MTTP: variants seen among roughly 807,000 people sequenced by gnomAD.
MTTP encodes the protein microsomal triglyceride transfer protein.
A neutral mutation model predicts 90.6 loss-of-function variants in MTTP; 49 were observed. The ratio of observed to expected loss-of-function variants is 0.54; its 90% confidence interval spans 0.43 to 0.69. The LOEUF (loss-of-function observed/expected upper bound fraction) is 0.69, where lower values mean the gene tolerates loss of function less well. MTTP is among the 30% of genes least tolerant of loss of function. The probability of loss-of-function intolerance (pLI) is 0.00; values close to 1 mark genes in which losing one functional copy is unlikely to be tolerated. For missense variants in MTTP, 945 were observed against 1,067.5 expected, an observed-to-expected ratio of 0.89 and a Z score of 1.60; for synonymous variants, 347 against 384.2, an observed-to-expected ratio of 0.90 and a Z score of 1.13.
chr4:99,583,409 G>C lies in MTTP; in HGVS notation c.285G>C (p.Gln95His), dbSNP rs61733139. Residue 95 changes from glutamine to histidine, a missense_variant, in exon 3 of 18, where the codon CAG becomes CAC. By Grantham distance (24) the Gln-to-His change is conservative (BLOSUM62 0). Coordinates refer to ENST00000265517, the MANE Select transcript of MTTP (RefSeq NM_001386140.1). Reference sequence around the variant, plus strand: ...TAAATGTTGAAAATGTGAATCAGCAGAGAGGAGAGAAGAGCATCTTCAAAG... The same window carrying C: ...TAAATGTTGAAAATGTGAATCAGCACAGAGGAGAGAAGAGCATCTTCAAAG... Reference protein sequence around the residue: ...KDVNVENVNQQRGEKSIFKGK... With the variant: ...KDVNVENVNQHRGEKSIFKGK... 85,612 of 1,613,172 alleles carry C rather than the reference G, an allele frequency of 0.053. 2,562 individuals carry two copies. The highest frequency in any genetic ancestry group is 0.06 in the Non-Finnish European group (70,683 of 1,179,596).
chr4:99,614,371 G>T (rs1726046557), intron 15 of MTTP, among the ~76,000 whole-genome samples: 1 of 152,166 alleles, frequency 6.6e-6, no homozygotes, highest in African/African-American at 2.4e-5. Flanking sequence ...GATATCTTAG[G>T]TATTAGACTG....
rs149348408 is a variant in MTTP, at chr4:99,606,385, C to T, written c.1345-363C>T. ...ACTTAAGGAAAGGTGTATGGTGACA[C>T]TAAGACTCCATCTAATTGTTGCTTT... On this transcript the variant is annotated intron_variant, in intron 10 of 17. Transcript: ENST00000265517. Among the ~76,000 whole-genome samples the T allele has an allele frequency of 6.3e-3, 951 of 152,156 alleles. 10 individuals carry two copies. The highest frequency in any genetic ancestry group is 0.02 in the African/African-American group (832 of 41,510).
chr4:99,601,326 T>C (rs1286425775), intron 9 of MTTP, among the ~76,000 whole-genome samples: 1 of 143,228 alleles, frequency 7.0e-6, no homozygotes, highest in Non-Finnish European at 1.6e-5. Flanking sequence ...CCCTCCTTTT[T>C]TTTTTTTTTT....
Position 99,611,404 on chromosome 4 carries a change from AC to A in MTTP, c.1942del (p.Leu648Ter). ...YSGSGILRRS[N>X]LNIFQYIGKA... is the part of the protein sequence containing the mutation. Reference sequence around the variant, plus strand: ...GGTTCTGGCATTCTAAGGAGAAGTAACCTGAACATCTTTCAGTACATTGGGA... The same window carrying A: ...GGTTCTGGCATTCTAAGGAGAAGTAACTGAACATCTTTCAGTACATTGGGA... On this transcript the variant is annotated frameshift_variant, in exon 14 of 18. Transcript: ENST00000265517. LOFTEE classifies it high-confidence loss of function. 1 of 1,614,078 alleles carries A rather than the reference AC, an allele frequency of 6.2e-7. No individual in the cohort carries two copies.
intron 6 of MTTP, 112 bp from the exon 7 acceptor site, chr4:99,594,621 C>A: frequency 8.2e-7 from 1 of 1,222,526 alleles, no homozygotes; most frequent in Non-Finnish European, 1.2e-6. Context: ...AAAGACATGG[C>A]TATATACAAC....
At chr4:99,587,370 A>C (rs932243495) in intron 3 of MTTP, among the ~76,000 whole-genome samples, 1 of 152,156 alleles carries the variant, frequency 6.6e-6, no homozygotes, top group Admixed American at 6.5e-5. Context: ...GGATTAAAAA[A>C]ACTTTTTTCA....
In MTTP at chr4:99,606,806, A is replaced by T. The variant is rs1249833314; in HGVS notation, c.1403A>T (p.Glu468Val). 6.2e-7 allele frequency: 1 copy of T among 1,613,990 alleles called. No individual in the cohort carries two copies. The highest frequency in any genetic ancestry group is 8.5e-7 in the Non-Finnish European group (1 of 1,180,014). ...GGACTTGAAAAAGCAGAGAAAAAAG[A>T]GGACACCAGGATGTATCTGCTGGCT... ...LGGLEKAEKKEDTRMYLLALK... is the reference protein window; with the variant it reads ...LGGLEKAEKKVDTRMYLLALK... Residue 468 changes from glutamate to valine, a missense_variant, in exon 11 of 18, where the codon GAG (glutamate) becomes GTG (valine). Transcript: ENST00000265517.
intron 1 of MTTP, among the ~76,000 whole-genome samples, chr4:99,576,559 G>A (rs1201046649): frequency 2.0e-5 from 3 of 150,550 alleles, no homozygotes; most frequent in Admixed American, 1.3e-4. Flanking sequence ...GCCGGGCGTA[G>A]TGGCGGGCGC....
chr4:99,596,969 A>G, intron 7 of MTTP, 98 bp from the exon 8 acceptor site: 1 of 1,546,156 alleles, frequency 6.5e-7, no homozygotes, highest in Non-Finnish European at 8.9e-7. Context: ...CTTTCGCTTC[A>G]GACACAAGGG....
chr4:99,567,726 AC>A (rs1483470876), intron 1 of MTTP, among the ~76,000 whole-genome samples: 1 of 152,246 alleles, frequency 6.6e-6, no homozygotes, highest in Non-Finnish European at 1.5e-5. Flanking sequence ...ATAGGGGCCA[AC>A]AAAAAAGCAG....
Position 99,612,965 on chromosome 4 carries a change from A to G in MTTP, c.2042A>G (p.Glu681Gly). Residue 681 changes from glutamate to glycine, a missense_variant, in exon 15 of 18, where the codon GAG becomes GGG. By Grantham distance (98) the Glu-to-Gly change is moderately conservative. Transcript: ENST00000265517. ...LEALIAATPD[E>G]GEENLDSYAG... is the part of the protein sequence containing the mutation. The stretch of plus-strand genomic sequence containing the variant: ...GCCTTAATCGCAGCCACCCCTGACG[A>G]GGGGGAGGAGAACCTTGACTCCTAT... 1 of 1,613,990 alleles carries G rather than the reference A, an allele frequency of 6.2e-7. No homozygotes were observed.
At chr4:99,597,280 G>T in intron 8 of MTTP, 56 bp downstream of exon 8, 1 of 1,598,554 alleles carries the variant, frequency 6.3e-7, no homozygotes, top group Non-Finnish European at 8.5e-7. Flanking sequence ...CTGGATTGTT[G>T]GTTTTTTGAA....
rs888054862 is a variant in MTTP, at chr4:99,622,918, T to A, written c.*70T>A. 3 of 1,513,368 alleles carry A rather than the reference T, an allele frequency of 2.0e-6. No homozygotes were observed. The highest frequency in any genetic ancestry group is 2.8e-6 in the Non-Finnish European group (3 of 1,088,906). The allele number at this position is 1,513,368 out of a possible 1,614,324, so 93.7% of individuals were successfully genotyped here. On this transcript the variant is annotated 3_prime_UTR_variant, in exon 18 of 18. Transcript: ENST00000265517. ...ACACAATGTGGCATGACTAAGTACT[T>A]GCTCTCTGAGAGCACAGCGTTTACA...
chr4:99,593,084 C>G (rs546502037), intron 6 of MTTP, among the ~76,000 whole-genome samples: 2 of 152,204 alleles, frequency 1.3e-5, no homozygotes, highest in African/African-American at 4.8e-5. Flanking sequence ...CATCATTGAC[C>G]AAAATGTCCT....
chr4:99,604,486 C>T (rs1334443119), intron 10 of MTTP, among the ~76,000 whole-genome samples: 1 of 152,054 alleles, frequency 6.6e-6, no homozygotes, highest in African/African-American at 2.4e-5. Context: ...CCATGAACAC[C>T]CAGATATCTT....
chr4:99,566,313 AAG>A (rs1483347297), intron 1 of MTTP, among the ~76,000 whole-genome samples: 42 of 151,790 alleles, frequency 2.8e-4, no homozygotes, highest in Middle Eastern at 3.4e-3. Context: ...AAAAAAAAAA[AAG>A]AAAAATAGGT....
chr4:99,564,415 T>A, intron 1 of MTTP: 2 of 609,830 alleles, frequency 3.3e-6, no homozygotes, highest in Non-Finnish European at 5.3e-6. Context: ...AGTGGAAAAT[T>A]AAATTCAAAA....
chr4:99,586,727 C>T (rs1725267838), intron 3 of MTTP, among the ~76,000 whole-genome samples: 1 of 152,052 alleles, frequency 6.6e-6, no homozygotes, highest in Admixed American at 6.6e-5. Context: ...TTAGTCTCCT[C>T]TTATTCTTAA....
At chr4:99,583,789 A>G (rs1725187173) in intron 3 of MTTP, 2 of 569,650 alleles carry the variant, frequency 3.5e-6, no homozygotes. Context: ...GGCATTATTA[A>G]AAGGTAAATT....
Sources: allele counts gnomAD v4.1 joint callset (sites outside exome capture counted in the v4.1 genomes callset), GRCh38; gene constraint gnomAD v4.1.1; transcripts MANE v1.5; gene names NCBI Gene and HGNC (gene_info 2026-07-23, HGNC 2026-07-21).